Variants in WWOX observed in about 807,000 individuals in gnomAD.
WWOX encodes WW domain containing oxidoreductase.
Under a neutral mutation model 46.2 loss-of-function variants are expected in WWOX, and 69 were observed. The ratio of observed to expected loss-of-function variants is 1.49; its 90% CI spans 1.23 to 1.82. The LOEUF (loss-of-function observed/expected upper bound fraction) is 1.82. Ranked by LOEUF, WWOX falls within the 40% of genes most tolerant of loss-of-function variation. The pLI is 0.00. For synonymous variants in WWOX, 359 were observed against 202.6 expected (o/e 1.77, Z -6.56); for missense variants, 919 against 542.6 (o/e 1.69, Z -6.89).
At chr16:79,199,628 C>G (rs554389618) in intron 8 of WWOX, among the ~76,000 whole-genome samples, 2 of 152,268 alleles carry the variant, frequency 1.3e-5, no homozygotes, top group African/African-American at 4.8e-5. Context: ...CTCCACCTTG[C>G]CACCTAGAAC....
chr16:78,556,724 T>C (rs192358322), intron 8 of WWOX, among the ~76,000 whole-genome samples: 2 of 152,148 alleles, frequency 1.3e-5, no homozygotes, highest in African/African-American at 4.8e-5. Context: ...TTATTTTATT[T>C]TTATTTTTCG....
At chr16:78,693,729 C>A (rs1422500738) in intron 8 of WWOX, among the ~76,000 whole-genome samples, 1 of 151,994 alleles carries the variant, frequency 6.6e-6, no homozygotes, top group Admixed American at 6.6e-5. Context: ...ACAGGGTGGC[C>A]CTTACCACAG....
chr16:78,950,707 G>A (rs908517827), intron 8 of WWOX, among the ~76,000 whole-genome samples: 1 of 152,122 alleles, frequency 6.6e-6, no homozygotes, highest in Non-Finnish European at 1.5e-5. Context: ...CTAAGTAATG[G>A]TTTCTCTTAG....
At chr16:78,597,721 T>G (rs2045523483) in intron 8 of WWOX, among the ~76,000 whole-genome samples, 1 of 151,120 alleles carries the variant, frequency 6.6e-6, no homozygotes, top group South Asian at 2.1e-4. Context: ...AGTCAATAAT[T>G]GCTTAATGGG....
chr16:78,754,741 C>T (rs933617765), intron 8 of WWOX, among the ~76,000 whole-genome samples: 2 of 152,066 alleles, frequency 1.3e-5, no homozygotes, highest in African/African-American at 4.8e-5. Flanking sequence ...AAAAAGATTT[C>T]TTCTCCATCA....
intron 8 of WWOX, among the ~76,000 whole-genome samples, chr16:78,870,034 G>A (rs1437996710): frequency 1.3e-5 from 2 of 152,160 alleles, no homozygotes; most frequent in Non-Finnish European, 2.9e-5. Flanking sequence ...TCCTCCAGGG[G>A]ACTTCTTCCA....
rs1310478480 is a variant in WWOX, at chr16:78,912,672, C to A, written c.1057-298936C>A. Among the ~76,000 whole-genome samples, 6 of 152,020 alleles carry A rather than the reference C, an allele frequency of 3.9e-5. No homozygotes were observed. The Middle Eastern group carries it at 0.01, about 259-fold the overall frequency. On this transcript the variant is annotated intron_variant, in intron 8 of 8. Transcript: ENST00000566780. ...CCCCTTTAATTCTCATTTAAGTTCCCCTCTGTAAAAGGCAGTCCCTTCAGC... is the reference window on the plus strand; with the variant it reads ...CCCCTTTAATTCTCATTTAAGTTCCACTCTGTAAAAGGCAGTCCCTTCAGC...
chr16:78,936,101 G>T (rs1332721218), intron 8 of WWOX, among the ~76,000 whole-genome samples: 2 of 152,142 alleles, frequency 1.3e-5, no homozygotes, highest in African/African-American at 4.8e-5. Context: ...TGATTGAAAG[G>T]AAAGAAGGAG....
At chr16:78,217,749 G>A (rs2151795097) in intron 5 of WWOX, among the ~76,000 whole-genome samples, 1 of 152,206 alleles carries the variant, frequency 6.6e-6, no homozygotes, top group East Asian at 1.9e-4. Flanking sequence ...ACCGGGGAAG[G>A]GGGTGTAATA....
In WWOX at chr16:78,942,177, C is replaced by T. The variant is rs1006849533; in HGVS notation, c.1057-269431C>T. 5.3e-5 allele frequency among the ~76,000 whole-genome samples: 8 copies of T among 152,122 alleles called. No homozygotes were observed. In the South Asian group the frequency reaches 6.2e-4, roughly 12 times the overall value. On this transcript the variant is annotated intron_variant, in intron 8 of 8. Transcript: ENST00000566780. ...TTGGTATGGAGAAGCAGAGTGGGTG[C>T]GTCTTTGTGTGTTCTTGACATAGTT...
intron 8 of WWOX, among the ~76,000 whole-genome samples, chr16:79,008,592 G>A (rs1225701274): frequency 6.6e-6 from 1 of 152,158 alleles, no homozygotes; most frequent in East Asian, 1.9e-4. Context: ...TGTTGAAACT[G>A]AGACTTAGAA....
intron 5 of WWOX, among the ~76,000 whole-genome samples, chr16:78,165,944 G>A (rs1022682810): frequency 6.8e-6 from 1 of 147,944 alleles, no homozygotes; most frequent in African/African-American, 2.5e-5. Context: ...TTAAAAAGTA[G>A]TAACCTCTAG....
intron 8 of WWOX, among the ~76,000 whole-genome samples, chr16:79,190,080 G>A (rs1468689080): frequency 3.9e-5 from 6 of 151,946 alleles, no homozygotes; most frequent in South Asian, 4.2e-4. Flanking sequence ...CGCCCAGGGC[G>A]GCGGTGTGAT....
intron 8 of WWOX, among the ~76,000 whole-genome samples, chr16:78,764,407 T>A (rs1048046151): frequency 6.6e-6 from 1 of 150,764 alleles, no homozygotes; most frequent in Non-Finnish European, 1.5e-5. Context: ...CATTCTGTCC[T>A]CTTGTTGGAA....
chr16:78,462,066 T>C (rs1327683782), intron 8 of WWOX, among the ~76,000 whole-genome samples: 1 of 152,230 alleles, frequency 6.6e-6, no homozygotes, highest in Non-Finnish European at 1.5e-5. Flanking sequence ...ATTATGAACT[T>C]TTGACCAGGG....
intron 4 of WWOX, among the ~76,000 whole-genome samples, chr16:78,131,458 A>C (rs1449459887): frequency 6.6e-6 from 1 of 152,194 alleles, no homozygotes; most frequent in African/African-American, 2.4e-5. Flanking sequence ...CAAGCAGTAC[A>C]CTTGCCTCAG....
chr16:78,747,635 C>G (rs1164547742), intron 8 of WWOX, among the ~76,000 whole-genome samples: 5 of 152,140 alleles, frequency 3.3e-5, no homozygotes, highest in African/African-American at 9.7e-5. Context: ...CCTCTCCTCA[C>G]CCACTCTGTT....
At chr16:78,691,395 G>T in intron 8 of WWOX, 1 of 656,844 alleles carries the variant, frequency 1.5e-6, no homozygotes, top group African/African-American at 1.8e-5. Context: ...TTGGCCTACA[G>T]GGTGCTTTAG....
intron 8 of WWOX, among the ~76,000 whole-genome samples, chr16:78,673,749 C>A (rs1277937049): frequency 6.6e-6 from 1 of 152,228 alleles, no homozygotes; most frequent in Non-Finnish European, 1.5e-5. Flanking sequence ...TTCTCCACTT[C>A]CTTAATTATC....
Sources: allele counts gnomAD v4.1 joint callset (sites outside exome capture counted in the v4.1 genomes callset), GRCh38; gene constraint gnomAD v4.1.1; transcripts MANE v1.5; gene names NCBI Gene and HGNC (gene_info 2026-07-23, HGNC 2026-07-21).